Variants in TMPRSS15 observed in about 807,000 individuals in gnomAD.
TMPRSS15 encodes enteropeptidase.
TMPRSS15 carries 128 observed loss-of-function variants against 125.3 expected under a neutral mutation model. That is an observed-to-expected ratio of 1.02 (90% CI 0.89 to 1.18). The LOEUF (loss-of-function observed/expected upper bound fraction) is 1.18. Ranked by LOEUF, TMPRSS15 falls within the 50% of genes most tolerant of loss-of-function variation. The pLI, the probability that TMPRSS15 is intolerant of heterozygous loss-of-function variation, is 0.00. For synonymous variants in TMPRSS15, 446 were observed against 423.2 expected, an observed-to-expected ratio of 1.05 and a Z score of -0.66; for missense variants, 1,283 against 1,212.7, an observed-to-expected ratio of 1.06 and a Z score of -0.86.
In TMPRSS15 at chr21:18,341,519, G is replaced by T; in HGVS notation, c.1458C>A (p.Ile486=). 1 of 1,614,088 alleles carries T rather than the reference G, an allele frequency of 6.2e-7. No individual in the cohort carries two copies. The highest frequency in any genetic ancestry group is 2.2e-5 in the East Asian group (1 of 44,880). ...KVAFNAFKNK[I]LSDIALDDIS... Reference sequence around the variant, plus strand: ...TGTCATCCAACGCAATATCACTCAGGATCTTGTTTTTAAAAGCATTAAAAG... The same window carrying T: ...TGTCATCCAACGCAATATCACTCAGTATCTTGTTTTTAAAAGCATTAAAAG... Residue 486 remains isoleucine (I), a synonymous_variant, in exon 13 of 25, where the codon ATC becomes ATA. Transcript: ENST00000284885.
chr21:18,386,503 T>C (rs1271007059), intron 3 of TMPRSS15, among the ~76,000 whole-genome samples: 1 of 152,216 alleles, frequency 6.6e-6, no homozygotes, highest in East Asian at 1.9e-4. Context: ...TTGGATATTT[T>C]TGGGGAGAAG....
rs569573749 is a variant in TMPRSS15 at position 18,398,065 on chromosome 21, T to C, written c.277-119A>G. ...AGAGTTGGGGCAATTTTCTCCATAGTAATGGGGCTCATACATTTGAGTATC... is the reference window on the plus strand; with the variant it reads ...AGAGTTGGGGCAATTTTCTCCATAGCAATGGGGCTCATACATTTGAGTATC... On this transcript the variant is annotated intron_variant, in intron 2 of 24. Transcript: ENST00000284885. The C allele has an allele frequency of 4.4e-4, 548 of 1,254,958 alleles. 6 individuals are homozygous for C. The South Asian group carries it at 6.7e-3, about 15-fold the overall frequency. The allele number at this position is 1,254,958 out of a possible 1,614,324, so 77.7% of individuals were successfully genotyped here.
At chr21:18,290,823 T>G (rs2074824664) in intron 21 of TMPRSS15, among the ~76,000 whole-genome samples, 1 of 84,906 alleles carries the variant, frequency 1.2e-5, no homozygotes, top group African/African-American at 4.7e-5. Flanking sequence ...TCTAACCTAC[T>G]ACGAAATTGT....
At chr21:18,381,761 C>T (rs1010864963) in intron 4 of TMPRSS15, among the ~76,000 whole-genome samples, 9 of 152,048 alleles carry the variant, frequency 5.9e-5, no homozygotes, top group Non-Finnish European at 4.4e-5. Flanking sequence ...CTTGCCAGAA[C>T]AGACCATCAG....
chr21:18,291,750 G>A (rs1048611856), intron 21 of TMPRSS15, among the ~76,000 whole-genome samples: 4 of 50,492 alleles, frequency 7.9e-5, no homozygotes, highest in African/African-American at 1.5e-4. Context: ...TTAGGCATTA[G>A]AGAAAAAAAA....
At chr21:18,479,936 C>A (rs1413382633) in intron 1 of TMPRSS15, among the ~76,000 whole-genome samples, 1 of 152,106 alleles carries the variant, frequency 6.6e-6, no homozygotes, top group South Asian at 2.1e-4. Context: ...GAAACAGGCA[C>A]GTGTATGTTT....
At chr21:18,316,725 C>G (rs1055282377) in intron 16 of TMPRSS15, among the ~76,000 whole-genome samples, 3 of 152,254 alleles carry the variant, frequency 2.0e-5, no homozygotes, top group African/African-American at 7.2e-5. Flanking sequence ...GGAAACATTC[C>G]TTATTTAGAA....
intron 1 of TMPRSS15, among the ~76,000 whole-genome samples, chr21:18,458,962 G>A (rs1978495481): frequency 6.6e-6 from 1 of 151,966 alleles, no homozygotes; most frequent in African/African-American, 2.4e-5. Flanking sequence ...TATTTGTCTT[G>A]TTTCTTTGAT....
At chr21:18,401,881 A>G (rs530395172) in intron 1 of TMPRSS15, among the ~76,000 whole-genome samples, 123 of 152,338 alleles carry the variant, frequency 8.1e-4, no homozygotes, top group African/African-American at 2.8e-3. Context: ...CACTTGTAAA[A>G]TAACTAACCT....
At chr21:18,350,763 T>C (rs2075560458) in intron 10 of TMPRSS15, among the ~76,000 whole-genome samples, 1 of 151,558 alleles carries the variant, frequency 6.6e-6, no homozygotes, top group African/African-American at 2.4e-5. Context: ...TATATACATA[T>C]ATATATAATT....
At chr21:18,332,209 C>T in intron 13 of TMPRSS15, 36 bp from the exon 14 acceptor site, 1 of 1,547,330 alleles carries the variant, frequency 6.5e-7, no homozygotes, top group Non-Finnish European at 8.9e-7. Context: ...ATCAGTAATA[C>T]AATGTTTATT....
chr21:18,354,694 T>A (rs1285169405), intron 8 of TMPRSS15, among the ~76,000 whole-genome samples: 1 of 151,712 alleles, frequency 6.6e-6, no homozygotes, highest in Non-Finnish European at 1.5e-5. Flanking sequence ...AATATTAGAC[T>A]TTCACGAGGA....
intron 8 of TMPRSS15, among the ~76,000 whole-genome samples, 168 bp downstream of exon 8, chr21:18,359,589 T>G (rs1199615340): frequency 6.6e-6 from 1 of 151,990 alleles, no homozygotes. Flanking sequence ...GAAGACCACA[T>G]AGAGCACTAA....
chr21:18,345,293 G>C (rs1204194540), intron 10 of TMPRSS15, among the ~76,000 whole-genome samples: 2 of 151,988 alleles, frequency 1.3e-5, no homozygotes, highest in Non-Finnish European at 2.9e-5. Flanking sequence ...TAGCTATTTT[G>C]TTAGTGTTCT....
chr21:18,473,788 AT>A (rs1438554199), intron 1 of TMPRSS15, among the ~76,000 whole-genome samples: 21 of 152,224 alleles, frequency 1.4e-4, no homozygotes, highest in African/African-American at 5.1e-4. Flanking sequence ...GCATATTGTA[AT>A]TCATTATTAA....
intron 15 of TMPRSS15, 137 bp from the exon 16 acceptor site, chr21:18,326,709 A>G (rs2075295205): frequency 3.4e-6 from 3 of 872,790 alleles, no homozygotes; most frequent in Non-Finnish European, 5.6e-6. Flanking sequence ...CCACAAGTAA[A>G]TGAACACACA....
chr21:18,375,247 TCTCA>T (rs1319084200), intron 5 of TMPRSS15, among the ~76,000 whole-genome samples: 1 of 152,150 alleles, frequency 6.6e-6, no homozygotes, highest in Non-Finnish European at 1.5e-5. Context: ...CTGAGTCTTC[TCTCA>T]CTCTTTCATT....
intron 21 of TMPRSS15, among the ~76,000 whole-genome samples, chr21:18,289,614 T>C (rs1474471045): frequency 1.3e-5 from 2 of 152,210 alleles, no homozygotes; most frequent in African/African-American, 2.4e-5. Context: ...TAACACATAT[T>C]TTAAGGAATT....
chr21:18,481,059 C>G (rs1978971537), intron 1 of TMPRSS15, among the ~76,000 whole-genome samples: 1 of 151,820 alleles, frequency 6.6e-6, no homozygotes, highest in Non-Finnish European at 1.5e-5. Context: ...AGAGTAATGC[C>G]TGATACAATG....
Sources: gnomAD v4.1 joint callset for allele counts (sites outside exome capture counted in the v4.1 genomes callset) on GRCh38, gnomAD v4.1.1 for gene constraint, MANE v1.5 for transcripts, NCBI Gene and HGNC (gene_info 2026-07-23, HGNC 2026-07-21) for gene names.